CUX1: variants seen among roughly 807,000 people sequenced by gnomAD.
CUX1 encodes the protein protein CASP.
In CUX1, 31 loss-of-function variants were observed where a neutral mutation model predicts 158.8. That is an observed-to-expected ratio of 0.20 (90% CI 0.15 to 0.26). The LOEUF (loss-of-function observed/expected upper bound fraction) is 0.26. Ranked by LOEUF, CUX1 falls within the 10% of genes least tolerant of loss-of-function variation. The pLI, the probability that CUX1 is intolerant of heterozygous loss-of-function variation, is 1.00. For synonymous variants in CUX1, 879 were observed against 862.1 expected (o/e 1.02, Z -0.34); for missense variants, 1,589 against 2,014.6 (o/e 0.79, Z 4.04).
At chr7:102,246,434 A>G (rs1014014760) in intron 23 of CUX1, among the ~76,000 whole-genome samples, 2 of 152,162 alleles carry the variant, frequency 1.3e-5, no homozygotes, top group Non-Finnish European at 2.9e-5. Flanking sequence ...CAGGAATCAA[A>G]TAACTCCATA....
At chr7:102,262,057 A>G (rs1214973873), downstream of CUX1, among the ~76,000 whole-genome samples, 2 of 152,140 alleles carry the variant, frequency 1.3e-5, no homozygotes, top group Non-Finnish European at 2.9e-5. Flanking sequence ...GGCTGCAGTG[A>G]GCTATAATTG....
chr7:102,202,817 C>T (rs1795589047), intron 18 of CUX1, among the ~76,000 whole-genome samples: 2 of 152,218 alleles, frequency 1.3e-5, no homozygotes, highest in Admixed American at 1.3e-4. Context: ...GTTTCCCTAT[C>T]ATCCTTCCCT....
At chr7:101,895,902 GTTTTTGTTTT>G (rs1562975008) in intron 1 of CUX1, among the ~76,000 whole-genome samples, 1 of 40,464 alleles carries the variant, frequency 2.5e-5, no homozygotes. Flanking sequence ...TTTTTTTTTT[GTTTTTGTTTT>G]TTTTTTTTTT....
chr7:102,125,341 C>T (rs1166529356), intron 8 of CUX1, among the ~76,000 whole-genome samples: 1 of 152,164 alleles, frequency 6.6e-6, no homozygotes, highest in East Asian at 1.9e-4. Context: ...GCCACCCAGC[C>T]TTCAAGTGCT....
At chr7:101,897,755 G>A (rs778553426) in intron 1 of CUX1, among the ~76,000 whole-genome samples, 15 of 152,130 alleles carry the variant, frequency 9.9e-5, no homozygotes, top group Non-Finnish European at 2.1e-4. Context: ...CTCTTGGGAT[G>A]GATGACTGAA....
rs1801699923 is a variant in CUX1 at position 102,253,161 on chromosome 7, T to A, written c.*4119T>A. The A allele has an allele frequency of 1.0e-6, 1 of 985,444 alleles. No homozygotes were observed. Among genetic ancestry groups the A allele is most frequent in the Admixed American group, 6.1e-5 (1 of 16,270 alleles). The allele number at this position is 985,444 out of a possible 1,614,324, so 61.0% of individuals were successfully genotyped here. A position where few individuals can be genotyped will look rare whatever the true frequency, so the allele number is the denominator to read the frequency against. Reference sequence around the variant, plus strand: ...TTCTTCCCATTGAAAAACCATCCTGTCTGATGTGGACGTTCAGGTCTGCTG... The same window carrying A: ...TTCTTCCCATTGAAAAACCATCCTGACTGATGTGGACGTTCAGGTCTGCTG... On this transcript the variant is annotated 3_prime_UTR_variant, in exon 24 of 24. Coordinates refer to ENST00000292535, the MANE Select transcript of CUX1 (RefSeq NM_181552.4).
At chr7:102,216,869 T>TCA (rs1220233286) in intron 20 of CUX1, among the ~76,000 whole-genome samples, 1 of 112,374 alleles carries the variant, frequency 8.9e-6, no homozygotes, top group African/African-American at 3.2e-5. Context: ...ACACATTCTC[T>TCA]CACACACACA....
chr7:101,894,650 T>C (rs1019214039), intron 1 of CUX1, among the ~76,000 whole-genome samples: 1 of 152,174 alleles, frequency 6.6e-6, no homozygotes, highest in Non-Finnish European at 1.5e-5. Flanking sequence ...GCTTTGACAA[T>C]GGAATGCCCA....
At chr7:102,167,220 A>G (rs1554509107) in intron 9 of CUX1, among the ~76,000 whole-genome samples, 1 of 151,820 alleles carries the variant, frequency 6.6e-6, no homozygotes, top group African/African-American at 2.4e-5. Context: ...GTGAGCCAAA[A>G]TCATACCGCT....
At chr7:101,967,984 G>A (rs1340480425) in intron 2 of CUX1, among the ~76,000 whole-genome samples, 1 of 152,064 alleles carries the variant, frequency 6.6e-6, no homozygotes, top group Non-Finnish European at 1.5e-5. Flanking sequence ...GCTGCCTGCA[G>A]CCTCAACCTC....
chr7:102,274,289 G>C, exon 16 of CUX1: 1 of 1,613,634 alleles, frequency 6.2e-7, no homozygotes, highest in Non-Finnish European at 8.5e-7. Context: ...GCCCATCAAA[G>C]AGGCCACTGC....
chr7:102,272,882 G>A (rs1476451642), intron 14 of CUX1, among the ~76,000 whole-genome samples: 1 of 152,100 alleles, frequency 6.6e-6, no homozygotes, highest in Non-Finnish European at 1.5e-5. Flanking sequence ...GCACCCCTAC[G>A]CGCCCCACTG....
chr7:102,215,344 A>G (rs1462194784), intron 20 of CUX1, among the ~76,000 whole-genome samples: 1 of 151,220 alleles, frequency 6.6e-6, no homozygotes, highest in Admixed American at 6.6e-5. Flanking sequence ...GTTATAATCA[A>G]TTATCACATC....
intron 1 of CUX1, among the ~76,000 whole-genome samples, chr7:101,901,449 A>G (rs557777583): frequency 2.0e-5 from 3 of 151,634 alleles, no homozygotes; most frequent in East Asian, 3.9e-4. Flanking sequence ...TTGCACCACC[A>G]CGCCCGGCTA....
chr7:102,001,672 C>T (rs1433728153), intron 2 of CUX1, among the ~76,000 whole-genome samples: 7 of 152,156 alleles, frequency 4.6e-5, no homozygotes, highest in African/African-American at 1.7e-4. Flanking sequence ...GCTGTATTGC[C>T]ATTATTTGCA....
At chr7:101,816,978 C>G (rs1791893826), upstream of CUX1, 1 of 983,932 alleles carries the variant, frequency 1.0e-6, no homozygotes, top group African/African-American at 1.8e-5. Context: ...CACCTCGCGG[C>G]CGCCGCGCTC....
chr7:101,984,345 G>A (rs1813988065), intron 2 of CUX1, among the ~76,000 whole-genome samples: 1 of 150,842 alleles, frequency 6.6e-6, no homozygotes, highest in African/African-American at 2.4e-5. Flanking sequence ...CTTGCATCCT[G>A]ATGATCTGTA....
Position 102,035,652 on chromosome 7 carries a change from CAAAA to C in CUX1, c.189+7522_189+7525del, listed in dbSNP as rs10699446. Among the ~76,000 whole-genome samples the C allele has an allele frequency of 3.3e-5, 3 of 90,652 alleles. No homozygotes were observed. The Admixed American group carries it at 4.0e-4, about 12-fold the overall frequency. The allele number at this position is 90,652 out of a possible 152,430, so 59.5% of individuals were successfully genotyped here. A position where few individuals can be genotyped will look rare whatever the true frequency, so the allele number is the denominator to read the frequency against. On this transcript the variant is annotated intron_variant, in intron 3 of 23. Transcript: ENST00000292535. ...AAGGATACTACTGGAGATAGCCAGC[CAAAA>C]AAAAAAAAAAAAAACTATAGCTAGA...
chr7:102,152,554 G>C (rs570543884), intron 8 of CUX1, among the ~76,000 whole-genome samples: 14 of 152,146 alleles, frequency 9.2e-5, no homozygotes, highest in Admixed American at 3.9e-4. Flanking sequence ...ACCACACCCG[G>C]CTAATTTTTG....
Sources: gnomAD v4.1 joint callset for allele counts (sites outside exome capture counted in the v4.1 genomes callset) on GRCh38, gnomAD v4.1.1 for gene constraint, MANE v1.5 for transcripts, NCBI Gene and HGNC (gene_info 2026-07-23, HGNC 2026-07-21) for gene names.